The following ZMYND11 variants were observed in gnomAD, a reference collection of about 807,000 sequenced individuals.
The protein encoded by ZMYND11 is zinc finger MYND domain-containing protein 11.
A neutral mutation model predicts 84.9 loss-of-function variants in ZMYND11; 9 were observed. That is an observed-to-expected ratio of 0.11 (90% confidence interval 0.06 to 0.18). The LOEUF is 0.18. Ranked by LOEUF, ZMYND11 falls within the 10% of genes least tolerant of loss-of-function variation. The pLI is 1.00. For missense variants in ZMYND11, 409 were observed against 761.0 expected (o/e 0.54, Z 5.44); for synonymous variants, 250 against 244.1 (o/e 1.02, Z -0.23).
chr10:132,143 T>C (rs1042608889), upstream of ZMYND11, among the ~76,000 whole-genome samples: 1 of 152,000 alleles, frequency 6.6e-6, no homozygotes, highest in Non-Finnish European at 1.5e-5. Context: ...CAGAAAGGCA[T>C]GGAATGAAAT....
intron 1 of ZMYND11, among the ~76,000 whole-genome samples, chr10:139,936 G>T (rs4537685): frequency 0.93 from 141,286 of 152,098 alleles, 65,978 homozygotes; most frequent in Non-Finnish European, 0.98. Flanking sequence ...CTTCTCAAAC[G>T]TGTAGGTGAT....
At position 246,836 on chromosome 10, in the gene ZMYND11, A is replaced by G. The variant is rs1435634296; in HGVS notation, c.1021A>G (p.Met341Val). The G allele has an allele frequency of 3.1e-6, 5 of 1,614,162 alleles. No individual in the cohort carries two copies. Among genetic ancestry groups the G allele is most frequent in the African/African-American group, 2.7e-5 (2 of 75,030 alleles). ...NIHRLHVKRS[M>V]GWKKACDELE... is the part of the protein sequence containing the mutation. ...TCATCGGCTGCACGTGAAGCGCAGTATGGGTTGGAAAAAGGCCTGTGATGA... is the reference window on the plus strand; with the variant it reads ...TCATCGGCTGCACGTGAAGCGCAGTGTGGGTTGGAAAAAGGCCTGTGATGA... Residue 341 changes from methionine to valine, a missense_variant, in exon 11 of 15, where the codon ATG becomes GTG. This residue lies in a region of ZMYND11 where 48 missense variants were observed against 61.1 expected (regional missense o/e 0.79). Coordinates refer to ENST00000381604, the MANE Select transcript of ZMYND11 (RefSeq NM_001370100.5).
At chr10:243,337 A>G (rs1345817494) in intron 10 of ZMYND11, among the ~76,000 whole-genome samples, 2 of 152,228 alleles carry the variant, frequency 1.3e-5, no homozygotes, top group Non-Finnish European at 2.9e-5. Context: ...GTTTGCTTCA[A>G]TGTTTTTCAC....
At position 252,295 on chromosome 10, in the gene ZMYND11, C is replaced by A; in HGVS notation, c.1687-53C>A. 1 of 1,601,738 alleles carries A rather than the reference C, an allele frequency of 6.2e-7. No homozygotes were observed. Among genetic ancestry groups the A allele is most frequent in the Non-Finnish European group, 8.5e-7 (1 of 1,173,654 alleles). On this transcript the variant is annotated intron_variant, in intron 14 of 14. Coordinates refer to ENST00000381604, the MANE Select transcript of ZMYND11 (RefSeq NM_001370100.5). The surrounding 1 kb of genome is among the most constrained non-coding windows in gnomAD (Gnocchi z 4.6). ...TCAAGAGTTTGCCATTTTAACCAGT[C>A]GCTTACACATCCACACCCAAGTCTA...
intron 3 of ZMYND11, among the ~76,000 whole-genome samples, chr10:215,218 C>G (rs1945965475): frequency 6.6e-6 from 1 of 152,196 alleles, no homozygotes; most frequent in African/African-American, 2.4e-5. Flanking sequence ...TGCTGTAAAA[C>G]TACTTCTCCC....
At chr10:248,270 G>A in intron 12 of ZMYND11, 66 bp from the exon 13 acceptor site, 2 of 1,551,330 alleles carry the variant, frequency 1.3e-6, no homozygotes, top group Non-Finnish European at 1.7e-6. Context: ...ATCCGAATGG[G>A]GTAGTTCTTG....
At position 177,558 on chromosome 10, in the gene ZMYND11, C is replaced by T. The variant is rs1009323555; in HGVS notation, c.-19-2436C>T. Among the ~76,000 whole-genome samples, 7 of 152,194 alleles carry T rather than the reference C, an allele frequency of 4.6e-5. No homozygotes were observed. In the East Asian group the frequency reaches 1.2e-3, roughly 25 times the overall value. ...ACTTTTAGAGTTTCTGCTACTTAGT[C>T]CCCACTACATTCTTCTGGTTATGTT... On this transcript the variant is annotated intron_variant, in intron 1 of 14. Transcript: ENST00000381604.
chr10:172,980 A>T (rs535806629), intron 1 of ZMYND11, among the ~76,000 whole-genome samples: 71 of 152,202 alleles, frequency 4.7e-4, no homozygotes, highest in Admixed American at 1.9e-3. Flanking sequence ...AATACATTGG[A>T]GCAAAAAATA....
chr10:186,785 T>G (rs1938668930), intron 2 of ZMYND11, among the ~76,000 whole-genome samples: 1 of 151,624 alleles, frequency 6.6e-6, no homozygotes, highest in Non-Finnish European at 1.5e-5. Flanking sequence ...TGTAACAAAA[T>G]AGGAGAACTT....
chr10:245,330 G>A lies in ZMYND11; in HGVS notation c.951-1436G>A, dbSNP rs1378720728. On this transcript the variant is annotated intron_variant, in intron 10 of 14. Transcript: ENST00000381604. ...TTAAAGTGTGCTTCTAGATTATAAA[G>A]CTTGGCTTGTACAAGGAAGTGGAAA... 2.6e-5 allele frequency among the ~76,000 whole-genome samples: 4 copies of A among 152,234 alleles called. No individual in the cohort carries two copies. In the East Asian group the frequency reaches 7.7e-4, roughly 29 times the overall value.
chr10:237,046 C>G lies in ZMYND11; in HGVS notation c.516+131C>G, dbSNP rs1950108342. The G allele has an allele frequency of 7.7e-6, 6 of 780,724 alleles. No homozygotes were observed. The East Asian group carries it at 1.7e-4, about 23-fold the overall frequency. The allele number at this position is 780,724 out of a possible 1,614,324, so 48.4% of individuals were successfully genotyped here. A position where few individuals can be genotyped will look rare whatever the true frequency, so the allele number is the denominator to read the frequency against. ...ATATGAAGTGTGGAGAGCACCCCGTCATGTCATATTTCTTTTTTGCAGTAA... is the reference window on the plus strand; with the variant it reads ...ATATGAAGTGTGGAGAGCACCCCGTGATGTCATATTTCTTTTTTGCAGTAA... On this transcript the variant is annotated intron_variant, in intron 5 of 14. Coordinates refer to ENST00000381604, the MANE Select transcript of ZMYND11 (RefSeq NM_001370100.5).
intron 4 of ZMYND11, among the ~76,000 whole-genome samples, chr10:223,581 A>C (rs956894107): frequency 3.3e-5 from 5 of 152,266 alleles, no homozygotes; most frequent in African/African-American, 1.2e-4. Context: ...GCTAAGGCTC[A>C]AAAACCCTGT....
At chr10:242,914 C>G (rs2131831254) in intron 10 of ZMYND11, among the ~76,000 whole-genome samples, 1 of 152,300 alleles carries the variant, frequency 6.6e-6, no homozygotes, top group Non-Finnish European at 1.5e-5. Context: ...TAGATACACA[C>G]TTACCTGACA....
At chr10:246,413 T>G (rs1165503969) in intron 10 of ZMYND11, among the ~76,000 whole-genome samples, 1 of 152,236 alleles carries the variant, frequency 6.6e-6, no homozygotes, top group Non-Finnish European at 1.5e-5. Context: ...AAAGGACTTA[T>G]GAAGAATACA....
chr10:242,865 C>A (rs1368412882), intron 10 of ZMYND11, among the ~76,000 whole-genome samples: 1 of 152,086 alleles, frequency 6.6e-6, no homozygotes, highest in African/African-American at 2.4e-5. Flanking sequence ...CCTATAAATA[C>A]TGTAAATTTC....
At position 153,018 on chromosome 10, in the gene ZMYND11, G is replaced by A. The variant is rs936879419; in HGVS notation, c.-20+17459G>A. Among the ~76,000 whole-genome samples the A allele has an allele frequency of 3.9e-5, 6 of 152,190 alleles. No individual in the cohort carries two copies. The South Asian group carries it at 1.2e-3, about 32-fold the overall frequency. ...AATTCATTCCTTTATTAAGCAAGAT[G>A]TGTAACTTTTGGTGTAAGCTGTTTG... is the stretch of plus-strand genomic sequence containing the variant. On this transcript the variant is annotated intron_variant, in intron 1 of 14. Transcript: ENST00000381604.
intron 2 of ZMYND11, among the ~76,000 whole-genome samples, chr10:180,800 G>T (rs539825070): frequency 3.3e-5 from 5 of 152,272 alleles, no homozygotes; most frequent in East Asian, 3.9e-4. Flanking sequence ...CATAGGATAG[G>T]CATGGTATGT....
chr10:154,956 A>G (rs1554758277), intron 1 of ZMYND11: 1 of 152,176 alleles, frequency 6.6e-6, no homozygotes, highest in Non-Finnish European at 1.5e-5. Context: ...TATTCTATTA[A>G]TTGGACATCT....
chr10:227,870 A>T (rs1413339343), intron 4 of ZMYND11, among the ~76,000 whole-genome samples: 6 of 152,314 alleles, frequency 3.9e-5, no homozygotes, highest in Middle Eastern at 3.4e-3. Flanking sequence ...CAAATCTAGA[A>T]TGGAGATTTG....
Sources: allele counts gnomAD v4.1 joint callset (sites outside exome capture counted in the v4.1 genomes callset), GRCh38; gene constraint gnomAD v4.1.1; regional missense constraint gnomAD v4.1.1; non-coding constraint Gnocchi (gnomAD v3.1); transcripts MANE v1.5; gene names NCBI Gene and HGNC (gene_info 2026-07-23, HGNC 2026-07-21).